Variants in MYRIP observed in about 807,000 individuals in gnomAD.
MYRIP encodes the protein myosin VIIA and Rab interacting protein.
MYRIP carries 49 observed loss-of-function variants against 98.0 expected under a neutral mutation model. That is an observed-to-expected ratio of 0.50 (90% CI 0.40 to 0.63). The LOEUF is 0.63. MYRIP is among the 30% of genes least tolerant of loss of function. The probability of loss-of-function intolerance (pLI) is 0.00; values close to 1 mark genes in which losing one functional copy is unlikely to be tolerated. For missense variants in MYRIP, 1,004 were observed against 1,058.2 expected (o/e 0.95, Z 0.71); for synonymous variants, 404 against 409.5 (o/e 0.99, Z 0.16).
chr3:40,168,311 A>G (rs1012823528), intron 7 of MYRIP, among the ~76,000 whole-genome samples: 10 of 152,246 alleles, frequency 6.6e-5, no homozygotes, highest in Non-Finnish European at 1.2e-4. Flanking sequence ...TGAAAGTATC[A>G]TAAGTCAAAA....
At chr3:40,042,959 T>C (rs566531846) in intron 2 of MYRIP, among the ~76,000 whole-genome samples, 56 of 152,208 alleles carry the variant, frequency 3.7e-4, no homozygotes, top group Non-Finnish European at 7.5e-4. Flanking sequence ...CCATAGAATA[T>C]CTCCCTCATG....
In MYRIP at chr3:40,069,187, G is replaced by A. The variant is rs539304425; in HGVS notation, c.332+24916G>A. Among the ~76,000 whole-genome samples, 176 of 152,250 alleles carry A rather than the reference G, an allele frequency of 1.2e-3. 2 individuals are homozygous for A. The South Asian group carries it at 0.034, about 29-fold the overall frequency. ...TTGGGAGAGAAACATGTCACCACAT[G>A]TTTTGGGGATGCACCTGCACATCTC... On this transcript the variant is annotated intron_variant, in intron 3 of 16. Transcript: ENST00000302541.
intron 2 of MYRIP, among the ~76,000 whole-genome samples, chr3:39,922,412 C>T (rs1280504547): frequency 6.6e-6 from 1 of 152,296 alleles, no homozygotes; most frequent in South Asian, 2.1e-4. Flanking sequence ...AGTAATGAGC[C>T]CTTCACCTCT....
chr3:39,872,660 C>A (rs1328122061), intron 1 of MYRIP, among the ~76,000 whole-genome samples: 1 of 152,098 alleles, frequency 6.6e-6, no homozygotes, highest in East Asian at 1.9e-4. Context: ...CTACAAAGGA[C>A]ATGAACTCAT....
chr3:39,961,264 G>C (rs1945317353), intron 2 of MYRIP, among the ~76,000 whole-genome samples: 1 of 152,040 alleles, frequency 6.6e-6, no homozygotes, highest in African/African-American at 2.4e-5. Flanking sequence ...AGGTGGAAGG[G>C]AAATGGTAGC....
At chr3:39,937,308 T>C (rs972324253) in intron 2 of MYRIP, among the ~76,000 whole-genome samples, 6 of 152,228 alleles carry the variant, frequency 3.9e-5, no homozygotes, top group Non-Finnish European at 7.3e-5. Context: ...CATGAGGTTT[T>C]TTTCTGTCAA....
chr3:39,975,386 G>C (rs1395657170), intron 2 of MYRIP, among the ~76,000 whole-genome samples: 2 of 151,702 alleles, frequency 1.3e-5, no homozygotes, highest in African/African-American at 2.4e-5. Flanking sequence ...CACTGCTCAA[G>C]GAAATAAAAG....
chr3:39,810,410 A>C (rs1226584028), intron 1 of MYRIP: 2 of 152,618 alleles, frequency 1.3e-5, no homozygotes, highest in Non-Finnish European at 2.9e-5. Context: ...TCAGAGTTAG[A>C]ACACAGGTGG....
At position 40,166,906 on chromosome 3, in the gene MYRIP, A is replaced by G; in HGVS notation, c.611A>G (p.Glu204Gly). The change falls in exon 6 of 17, where the codon GAA becomes GGA. Residue 204 changes from glutamate (E) to glycine (G), a missense_variant. Glu to Gly is a moderately conservative substitution (Grantham distance 98). Coordinates refer to ENST00000302541, the MANE Select transcript of MYRIP (RefSeq NM_015460.4). Reference protein sequence around the residue: ...ALRVAEEAIEEAISKAEAYGD... With the variant: ...ALRVAEEAIEGAISKAEAYGD... ...CGGGTGGCTGAAGAGGCCATTGAGG[A>G]AGCAATTTCCAAAGCAGAGGCATAT... 3 of 1,613,970 alleles carry G rather than the reference A, an allele frequency of 1.9e-6. No individual in the cohort carries two copies. The highest frequency in any genetic ancestry group is 2.5e-6 in the Non-Finnish European group (3 of 1,179,964).
intron 3 of MYRIP, among the ~76,000 whole-genome samples, chr3:40,096,788 C>T (rs1216044455): frequency 6.6e-6 from 1 of 152,176 alleles, no homozygotes; most frequent in Non-Finnish European, 1.5e-5. Flanking sequence ...GCAAAGGCAT[C>T]GGCATCTTTG....
chr3:39,834,178 G>A (rs1941553291), intron 1 of MYRIP, among the ~76,000 whole-genome samples: 1 of 152,180 alleles, frequency 6.6e-6, no homozygotes. Flanking sequence ...TTAAGATGAA[G>A]CTGCAGCTAT....
rs781092300 is a variant in MYRIP at position 40,210,078 on chromosome 3, G to A, written c.1890G>A (p.Gln630=). The A allele has an allele frequency of 6.2e-7, 1 of 1,613,890 alleles. No homozygotes were observed. The highest frequency in any genetic ancestry group is 1.1e-5 in the South Asian group (1 of 91,064). The change falls in exon 11 of 17, where the codon CAG becomes CAA. Residue 630 remains glutamine, a synonymous_variant. Coordinates refer to ENST00000302541, the MANE Select transcript of MYRIP (RefSeq NM_015460.4). The part of the protein sequence containing the change: ...LSSEDNSQSV[Q]EELKKKFSAV... ...CTGAAGACAACAGCCAGAGTGTCCA[G>A]GAAGAGCTGAAGAAGGTAAGGGCTG...
chr3:40,217,573 TAAAC>T (rs1289704918), intron 11 of MYRIP, among the ~76,000 whole-genome samples: 5 of 152,148 alleles, frequency 3.3e-5, no homozygotes, highest in Admixed American at 6.6e-5. Flanking sequence ...AAACAGCTGA[TAAAC>T]AACCATTTCT....
intron 1 of MYRIP, among the ~76,000 whole-genome samples, chr3:39,841,945 C>T (rs1030990147): frequency 6.6e-6 from 1 of 152,194 alleles, no homozygotes; most frequent in African/African-American, 2.4e-5. Context: ...CAGGGACCCA[C>T]TTGAGGAGGC....
At chr3:40,054,954 A>G (rs1947855204) in intron 3 of MYRIP, among the ~76,000 whole-genome samples, 1 of 152,216 alleles carries the variant, frequency 6.6e-6, no homozygotes, top group African/African-American at 2.4e-5. Context: ...AACACTACTG[A>G]GAGGGCCACA....
chr3:40,221,091 C>T (rs535158103), intron 11 of MYRIP, among the ~76,000 whole-genome samples: 8 of 136,574 alleles, frequency 5.9e-5, no homozygotes, highest in African/African-American at 1.9e-4. Flanking sequence ...GGACAATAAG[C>T]ATATGAAAAG....
At chr3:40,081,771 A>C (rs1245697258) in intron 3 of MYRIP, among the ~76,000 whole-genome samples, 1 of 151,990 alleles carries the variant, frequency 6.6e-6, no homozygotes, top group Admixed American at 6.6e-5. Context: ...AGTAGATCTC[A>C]AAAATGTATT....
intron 2 of MYRIP, among the ~76,000 whole-genome samples, chr3:39,997,026 T>A (rs1277715584): frequency 6.6e-6 from 1 of 152,106 alleles, no homozygotes; most frequent in African/African-American, 2.4e-5. Flanking sequence ...TGGGACACAT[T>A]CAAAGCAGTG....
intron 2 of MYRIP, among the ~76,000 whole-genome samples, chr3:39,975,340 G>C (rs1945719325): frequency 6.6e-6 from 1 of 152,058 alleles, no homozygotes; most frequent in Non-Finnish European, 1.5e-5. Context: ...CGATTTACAA[G>C]GGACGTGAAG....
Sources: gnomAD v4.1 joint callset for allele counts (sites outside exome capture counted in the v4.1 genomes callset) on GRCh38, gnomAD v4.1.1 for gene constraint, MANE v1.5 for transcripts, NCBI Gene and HGNC (gene_info 2026-07-23, HGNC 2026-07-21) for gene names.